The following SKIC3 variants were observed in gnomAD, a reference collection of about 807,000 sequenced individuals.
SKIC3 encodes the protein superkiller complex protein 3.
the SKIC3 span, among the ~76,000 whole-genome samples, chr5:95,551,893 C>T: frequency 6.6e-6 from 1 of 152,132 alleles, no homozygotes; most frequent in African/African-American, 2.4e-5. Flanking sequence ...CTAATAATGT[C>T]CTATCTACTA....
the SKIC3 span, chr5:95,540,796 C>A: frequency 6.2e-7 from 1 of 1,614,010 alleles, no homozygotes; most frequent in Admixed American, 1.7e-5. Flanking sequence ...TTGTTCCTGC[C>A]GTGTTTTTAT....
At chr5:95,490,464 G>GTA in the SKIC3 span, among the ~76,000 whole-genome samples, 523 of 144,912 alleles carry the variant, frequency 3.6e-3, 2 homozygotes, top group African/African-American at 5.1e-3. Flanking sequence ...TTTAAATAAT[G>GTA]TATATATATA....
chr5:95,466,724 G>C, the SKIC3 span, among the ~76,000 whole-genome samples: 1 of 152,056 alleles, frequency 6.6e-6, no homozygotes, highest in African/African-American at 2.4e-5. Context: ...CTTGCTTCTT[G>C]CTTAAATACA....
At chr5:95,507,783 A>T in the SKIC3 span, among the ~76,000 whole-genome samples, 26,798 of 152,168 alleles carry the variant, frequency 0.18, 2,690 homozygotes, top group East Asian at 0.34. Context: ...GGCTTCAACC[A>T]TCAAATAGTT....
the SKIC3 span, among the ~76,000 whole-genome samples, chr5:95,507,398 C>T: frequency 6.6e-6 from 1 of 152,094 alleles, no homozygotes; most frequent in Non-Finnish European, 1.5e-5. Context: ...AAATTGAATG[C>T]TTTCATGTGC....
At chr5:95,496,343 A>G in the SKIC3 span, among the ~76,000 whole-genome samples, 210 of 152,228 alleles carry the variant, frequency 1.4e-3, no homozygotes, top group African/African-American at 5.0e-3. Context: ...TTTAATTTTA[A>G]TCCTGAAAGA....
At chr5:95,506,299 G>C in the SKIC3 span, among the ~76,000 whole-genome samples, 1 of 152,136 alleles carries the variant, frequency 6.6e-6, no homozygotes, top group African/African-American at 2.4e-5. Context: ...CTAATCCTAA[G>C]ACATCAAAGT....
chr5:95,520,949 A>G, the SKIC3 span: 1 of 690,250 alleles, frequency 1.4e-6, no homozygotes, highest in Admixed American at 2.5e-5. Flanking sequence ...GTGTTATAAA[A>G]TTATCTTAAA....
chr5:95,534,204 T>C, the SKIC3 span, among the ~76,000 whole-genome samples: 1 of 151,068 alleles, frequency 6.6e-6, no homozygotes, highest in African/African-American at 2.4e-5. Context: ...GAACTCAGCT[T>C]CCTATCAGGA....
At chr5:95,475,149 C>G in the SKIC3 span, among the ~76,000 whole-genome samples, 1 of 152,152 alleles carries the variant, frequency 6.6e-6, no homozygotes, top group Non-Finnish European at 1.5e-5. Flanking sequence ...AACCAGTAGG[C>G]TACATTTGGA....
the SKIC3 span, among the ~76,000 whole-genome samples, chr5:95,509,243 A>C: frequency 6.6e-6 from 1 of 152,188 alleles, no homozygotes; most frequent in South Asian, 2.1e-4. Flanking sequence ...TTGATGTAGA[A>C]CTTTGTTCCT....
the SKIC3 span, chr5:95,482,374 G>T: frequency 7.9e-7 from 1 of 1,259,416 alleles, no homozygotes; most frequent in Non-Finnish European, 1.2e-6. Context: ...CATGGTGAGA[G>T]TGACAGCAAG....
the SKIC3 span, chr5:95,523,743 C>A: frequency 6.2e-7 from 1 of 1,613,682 alleles, no homozygotes; most frequent in Non-Finnish European, 8.5e-7. Flanking sequence ...CCTATAACAT[C>A]CACGAGCTCT....
chr5:95,506,489 GTC>G, the SKIC3 span, among the ~76,000 whole-genome samples: 3 of 152,064 alleles, frequency 2.0e-5, no homozygotes, highest in Non-Finnish European at 4.4e-5. Flanking sequence ...AGAGTTAGAA[GTC>G]TCTGAAAAAC....
the SKIC3 span, chr5:95,497,472 C>T: frequency 6.2e-7 from 1 of 1,613,326 alleles, no homozygotes; most frequent in South Asian, 1.1e-5. Context: ...GACCAAAGAG[C>T]AGGGTCACCA....
chr5:95,482,573 C>G, the SKIC3 span: 1 of 1,613,982 alleles, frequency 6.2e-7, no homozygotes, highest in Non-Finnish European at 8.5e-7. Context: ...GAGTGGTTTA[C>G]ACTGAACTTG....
the SKIC3 span, among the ~76,000 whole-genome samples, chr5:95,517,592 CAAAT>C: frequency 9.5e-4 from 144 of 152,112 alleles, no homozygotes; most frequent in African/African-American, 3.1e-3. Flanking sequence ...AGCAATCACG[CAAAT>C]AAATAAATAA....
At chr5:95,492,702 A>AAAGGC in the SKIC3 span, among the ~76,000 whole-genome samples, 1 of 137,198 alleles carries the variant, frequency 7.3e-6, no homozygotes, top group Non-Finnish European at 1.6e-5. Flanking sequence ...AGACAACTAA[A>AAAGGC]CTAGATAACA....
At chr5:95,522,420 C>T in the SKIC3 span, 611 of 1,295,296 alleles carry the variant, frequency 4.7e-4, 3 homozygotes, top group South Asian at 1.6e-3. Context: ...GCTCCTTCTA[C>T]TTATAAAAGT....
Sources: allele counts gnomAD v4.1 joint callset (sites outside exome capture counted in the v4.1 genomes callset), GRCh38; gene constraint gnomAD v4.1.1; transcripts MANE v1.5; gene names NCBI Gene and HGNC (gene_info 2026-07-23, HGNC 2026-07-21).